The following TENT4B variants were observed in gnomAD, a reference collection of about 807,000 sequenced individuals.
TENT4B encodes the protein PAP associated domain containing 5.
In TENT4B, 10 loss-of-function variants were observed where a neutral mutation model predicts 75.0. The observed-to-expected ratio is 0.13, with a 90% CI of 0.08 to 0.23. TENT4B has a LOEUF of 0.23. Ranked by LOEUF, TENT4B falls within the 10% of genes least tolerant of loss-of-function variation. The pLI is 1.00. For missense variants in TENT4B, 579 were observed against 893.8 expected, an observed-to-expected ratio of 0.65 and a Z score of 4.49; for synonymous variants, 350 against 357.7, an observed-to-expected ratio of 0.98 and a Z score of 0.24.
chr16:50,213,319 A>G (rs1040796508), intron 2 of TENT4B, among the ~76,000 whole-genome samples: 1 of 152,184 alleles, frequency 6.6e-6, no homozygotes, highest in Non-Finnish European at 1.5e-5. Context: ...TTGGCCTCCC[A>G]AAGTGCTGGG....
intron 1 of TENT4B, among the ~76,000 whole-genome samples, chr16:50,166,135 T>C (rs1296918788): frequency 6.8e-6 from 1 of 147,720 alleles, no homozygotes; most frequent in Non-Finnish European, 1.5e-5. Context: ...CAGGCTGGAG[T>C]GCAGTAGCAT....
intron 3 of TENT4B, 27 bp from the exon 4 acceptor site, chr16:50,216,048 C>T: frequency 6.2e-7 from 1 of 1,611,360 alleles, no homozygotes; most frequent in South Asian, 1.1e-5. Flanking sequence ...TTCTTCCGAC[C>T]CTCTTGTATA....
At chr16:50,222,222 T>C (rs1289011336) in intron 5 of TENT4B, 84 bp from the exon 6 acceptor site, 1 of 1,282,010 alleles carries the variant, frequency 7.8e-7, no homozygotes, top group African/African-American at 1.5e-5. Flanking sequence ...AATTTTATAA[T>C]GTAAGGACCA....
intron 1 of TENT4B, among the ~76,000 whole-genome samples, chr16:50,198,688 A>AT (rs1420481213): frequency 6.6e-6 from 1 of 152,210 alleles, no homozygotes; most frequent in Non-Finnish European, 1.5e-5. Context: ...TCTAAAGAGC[A>AT]TCTGGAAGAA....
chr16:50,184,687 A>T (rs572569297), intron 1 of TENT4B, among the ~76,000 whole-genome samples: 27 of 152,112 alleles, frequency 1.8e-4, no homozygotes, highest in African/African-American at 6.5e-4. Flanking sequence ...AAAAAAGAGA[A>T]TAATGCTGCC....
Position 50,229,678 on chromosome 16 carries a change from G to A in TENT4B, c.*350G>A, listed in dbSNP as rs1372769470. 1 of 1,002,220 alleles carries A rather than the reference G, an allele frequency of 1.0e-6. No homozygotes were observed. The highest frequency in any genetic ancestry group is 1.2e-6 in the Non-Finnish European group (1 of 841,200). 62.1% of individuals were successfully genotyped at this position (1,002,220 alleles called of 1,614,324 possible). The stretch of plus-strand genomic sequence containing the variant: ...TAGGGAATAGTATTCAGTGTTGGTA[G>A]GGTGATAGAAACAAAAAACAGTATC... On this transcript the variant is annotated 3_prime_UTR_variant, in exon 12 of 12. Transcript: ENST00000561678.
intron 1 of TENT4B, among the ~76,000 whole-genome samples, chr16:50,163,984 C>T (rs12446025): frequency 0.67 from 100,738 of 151,148 alleles, 35,449 homozygotes; most frequent in South Asian, 0.77. Flanking sequence ...ATGGATAAAC[C>T]GCCTCTCTAC....
At chr16:50,162,799 A>G (rs2038026556) in intron 1 of TENT4B, among the ~76,000 whole-genome samples, 1 of 152,218 alleles carries the variant, frequency 6.6e-6, no homozygotes, top group Admixed American at 6.5e-5. Flanking sequence ...CGTTTTCTAA[A>G]AACATAAAAA....
intron 1 of TENT4B, among the ~76,000 whole-genome samples, chr16:50,174,903 C>T (rs1342839618): frequency 2.6e-5 from 4 of 151,868 alleles, no homozygotes; most frequent in Non-Finnish European, 2.9e-5. Context: ...CTACCACACC[C>T]GACTAATTTT....
Position 50,225,271 on chromosome 16 carries a change from A to G in TENT4B, c.1786A>G (p.Ser596Gly). Residue 596 changes from serine to glycine, a missense_variant, in exon 10 of 12, where the codon AGC (serine) becomes GGC (glycine). By Grantham distance (56) the Ser-to-Gly change is moderately conservative. This residue lies in a region of TENT4B where 164 missense variants were observed against 226.5 expected (regional missense o/e 0.72). Coordinates refer to ENST00000561678, the MANE Select transcript of TENT4B (RefSeq NM_001365324.3). ...PVSSSSATQS[S>G]SSDVDSDATP... is the part of the protein sequence containing the mutation. ...GTCGTCCTCTTCTGCCACACAGTCC[A>G]GCTCTAGTGATGTAGTAAGTATGAA... 1 of 1,611,040 alleles carries G rather than the reference A, an allele frequency of 6.2e-7. No individual in the cohort carries two copies. Among genetic ancestry groups the G allele is most frequent in the Non-Finnish European group, 8.5e-7 (1 of 1,178,412 alleles).
At chr16:50,187,176 T>C (rs1469527377) in intron 1 of TENT4B, among the ~76,000 whole-genome samples, 1 of 152,244 alleles carries the variant, frequency 6.6e-6, no homozygotes, top group Admixed American at 6.5e-5. Flanking sequence ...CATTGCCAAA[T>C]GCAGTGTCAT....
At chr16:50,164,454 G>C (rs1467879984) in intron 1 of TENT4B, among the ~76,000 whole-genome samples, 1 of 151,866 alleles carries the variant, frequency 6.6e-6, no homozygotes, top group Non-Finnish European at 1.5e-5. Context: ...GATTACAGGC[G>C]CCCACCACCA....
At chr16:50,172,618 G>C (rs1486901184) in intron 1 of TENT4B, among the ~76,000 whole-genome samples, 5 of 151,230 alleles carry the variant, frequency 3.3e-5, no homozygotes, top group African/African-American at 1.2e-4. Flanking sequence ...AAATAGTGTG[G>C]TACATTTGTT....
chr16:50,220,351 T>C (rs1032283739), intron 5 of TENT4B, among the ~76,000 whole-genome samples: 2 of 150,240 alleles, frequency 1.3e-5, no homozygotes, highest in African/African-American at 4.9e-5. Context: ...TTTTTTTTCT[T>C]TTTTTTTAAG....
At chr16:50,156,955 G>A (rs1038196745) in intron 1 of TENT4B, among the ~76,000 whole-genome samples, 6 of 152,078 alleles carry the variant, frequency 3.9e-5, no homozygotes, top group Admixed American at 1.3e-4. Flanking sequence ...CACCATTCTC[G>A]CCAGTATCCT....
intron 1 of TENT4B, among the ~76,000 whole-genome samples, chr16:50,181,490 A>G (rs1287048239): frequency 7.0e-6 from 1 of 143,256 alleles, no homozygotes. Context: ...TTTTTTATAG[A>G]GACAGAGTTT....
chr16:50,234,216 G>A lies in TENT4B; in HGVS notation c.*4888G>A. On this transcript the variant is annotated 3_prime_UTR_variant, in exon 12 of 12. Coordinates refer to ENST00000561678, the MANE Select transcript of TENT4B (RefSeq NM_001365324.3). ...CGCCTGTAATCCCAGCACTTTGGGA[G>A]GCCGAAGCGGGAGGATGGCTTGAGG... The A allele has an allele frequency of 4.1e-6, 4 of 985,628 alleles. No individual in the cohort carries two copies. Among genetic ancestry groups the A allele is most frequent in the Non-Finnish European group, 4.8e-6 (4 of 830,084 alleles). 61.1% of individuals were successfully genotyped at this position (985,628 alleles called of 1,614,324 possible).
rs369976719 is a variant in TENT4B at position 50,228,023 on chromosome 16, T to G, written c.1965+20T>G. On this transcript the variant is annotated intron_variant, in intron 11 of 11. Transcript: ENST00000561678. ...TCTCAGGTGTGTGGAACGTGGGTTT[T>G]TAATTGTTAGTATTTGATACAAAAT... 1.2e-3 allele frequency: 1,939 copies of G among 1,607,348 alleles called. 3 individuals carry two copies. Among genetic ancestry groups the G allele is most frequent in the Admixed American group, 1.8e-3 (108 of 58,952 alleles).
chr16:50,221,035 C>T (rs1288693807), intron 5 of TENT4B, among the ~76,000 whole-genome samples: 3 of 151,996 alleles, frequency 2.0e-5, no homozygotes. Flanking sequence ...ACCTGTAATC[C>T]CAACACTTTG....
Sources: allele counts gnomAD v4.1 joint callset (sites outside exome capture counted in the v4.1 genomes callset), GRCh38; gene constraint gnomAD v4.1.1; regional missense constraint gnomAD v4.1.1; transcripts MANE v1.5; gene names NCBI Gene and HGNC (gene_info 2026-07-23, HGNC 2026-07-21).